The following EIF4A3 variants were observed in gnomAD, a reference collection of about 807,000 sequenced individuals.
The protein encoded by EIF4A3 is eukaryotic initiation factor 4A-III.
EIF4A3 carries 1 observed loss-of-function variant against 55.6 expected under a neutral mutation model. The observed-to-expected ratio is 0.02, with a 90% CI of 0.01 to 0.09. EIF4A3 has a LOEUF of 0.09. Among genes scored for constraint, EIF4A3 ranks in the 10% least tolerant of loss-of-function variants. The pLI, the probability that EIF4A3 is intolerant of heterozygous loss-of-function variation, is 1.00. For missense variants in EIF4A3, 221 were observed against 540.7 expected (o/e 0.41, Z 5.86); for synonymous variants, 194 against 196.3 (o/e 0.99, Z 0.10).
In EIF4A3 at chr17:80,135,036, C is replaced by CA. The variant is rs1055831563; in HGVS notation, c.*453dup. On this transcript the variant is annotated 3_prime_UTR_variant, in exon 12 of 12. Transcript: ENST00000649764. ...GCATGGTGGCGGCCGCCTGTACTCC[C>CA]AGCTACGTGGGAGGCTGAGGTAGGA... Among the ~76,000 whole-genome samples, 1 of 151,814 alleles carries CA rather than the reference C, an allele frequency of 6.6e-6. No homozygotes were observed. The highest frequency in any genetic ancestry group is 1.5e-5 in the Non-Finnish European group (1 of 67,980).
chr17:80,141,861 A>G lies in EIF4A3; in HGVS notation c.243-13T>C, dbSNP rs1567850190. 6.2e-7 allele frequency: 1 copy of G among 1,613,316 alleles called. No homozygotes were observed. Among genetic ancestry groups the G allele is most frequent in the Non-Finnish European group, 8.5e-7 (1 of 1,179,380 alleles). On this transcript the variant is annotated splice_polypyrimidine_tract_variant and intron_variant, in intron 2 of 11. Transcript: ENST00000649764. The stretch of plus-strand genomic sequence containing the variant: ...GCCGGACTGAGACCTATTCAAGGAA[A>G]CAAAAGCAGTGGGATTAGAGGGAGG...
chr17:80,135,766 G>GTGTC (rs2039565296), intron 11 of EIF4A3: 1 of 612,424 alleles, frequency 1.6e-6, no homozygotes, highest in Admixed American at 3.1e-5. Flanking sequence ...TATGGTGCAC[G>GTGTC]TGTCTGTAAT....
intron 2 of EIF4A3, among the ~76,000 whole-genome samples, chr17:80,143,893 T>A (rs2039638259): frequency 6.6e-6 from 1 of 152,100 alleles, no homozygotes. Flanking sequence ...GGCAGGAGAA[T>A]AGCTTGAAAC....
chr17:80,137,554 T>C (rs1446677335), intron 8 of EIF4A3, 53 bp from the exon 9 acceptor site: 2 of 1,444,710 alleles, frequency 1.4e-6, no homozygotes, highest in African/African-American at 2.8e-5. Flanking sequence ...AAAGCAGAGA[T>C]GTGCATTCGG....
Position 80,135,439 on chromosome 17 carries a change from C to T in EIF4A3, c.*51G>A, listed in dbSNP as rs1290193399. 2 of 1,531,296 alleles carry T rather than the reference C, an allele frequency of 1.3e-6. No homozygotes were observed. Among genetic ancestry groups the T allele is most frequent in the Admixed American group, 4.5e-5 (2 of 44,094 alleles). The allele number at this position is 1,531,296 out of a possible 1,614,324, so 94.9% of individuals were successfully genotyped here. A position where few individuals can be genotyped will look rare whatever the true frequency, so the allele number is the denominator to read the frequency against. On this transcript the variant is annotated 3_prime_UTR_variant, in exon 12 of 12. Transcript: ENST00000649764. ...GAATCTGGATCTAAATACTTCCAAA[C>T]AGGAGTACACAGCAGGTGAACAGTC...
In EIF4A3 at chr17:80,136,348, A is replaced by G. The variant is rs1358668463; in HGVS notation, c.984-13T>C. 4 of 1,602,196 alleles carry G rather than the reference A, an allele frequency of 2.5e-6. No individual in the cohort carries two copies. Among genetic ancestry groups the G allele is most frequent in the African/African-American group, 2.7e-5 (2 of 74,518 alleles). On this transcript the variant is annotated splice_polypyrimidine_tract_variant and intron_variant, in intron 9 of 11. Transcript: ENST00000649764. The stretch of plus-strand genomic sequence containing the variant: ...AATAAGCACTCGGCTGCAAAAAGAA[A>G]GAGTGTTTGAGGCGATTAAATTACT...
chr17:80,142,887 AAATT>A (rs1954591412), intron 2 of EIF4A3, among the ~76,000 whole-genome samples: 1 of 152,022 alleles, frequency 6.6e-6, no homozygotes, highest in Admixed American at 6.6e-5. Context: ...GAAAATACAA[AAATT>A]AATTGGGCAT....
Position 80,146,927 on chromosome 17 carries a change from G to A in EIF4A3, c.35C>T (p.Ser12Leu), listed in dbSNP as rs778474622. 2.4e-5 allele frequency: 38 copies of A among 1,608,970 alleles called. No individual in the cohort carries two copies. The East Asian group carries it at 4.7e-4, about 20-fold the overall frequency. The stretch of plus-strand genomic sequence containing the variant: ...CTCTTTGAGCAGCCGCTTTCGCGCC[G>A]AGCCCGAGGTCGCCATCGTGGCCGT... ...ATTATMATSG[S>L]ARKRLLKEED... The change falls in exon 1 of 12, where the codon TCG becomes TTG. Residue 12 changes from serine (S) to leucine (L), a missense_variant. Transcript: ENST00000649764.
intron 11 of EIF4A3, 182 bp from the exon 12 acceptor site, chr17:80,135,688 G>C: frequency 4.8e-6 from 3 of 631,446 alleles, no homozygotes; most frequent in Non-Finnish European, 8.3e-6. Flanking sequence ...TTGAGGCCAG[G>C]AGTTCGAGAC....
intron 8 of EIF4A3, 196 bp from the exon 9 acceptor site, chr17:80,137,697 ACTTC>A: frequency 1.8e-6 from 1 of 550,940 alleles, no homozygotes; most frequent in South Asian, 2.2e-5. Flanking sequence ...AAACCCTCTT[ACTTC>A]ATTTTCTCCA....
At position 80,141,772 on chromosome 17, in the gene EIF4A3, G is replaced by C; in HGVS notation, c.309+10C>G. 1 of 1,611,258 alleles carries C rather than the reference G, an allele frequency of 6.2e-7. No homozygotes were observed. On this transcript the variant is annotated intron_variant, in intron 3 of 11. Coordinates refer to ENST00000649764, the MANE Select transcript of EIF4A3 (RefSeq NM_014740.4). ...TTACATAACAGTTTGTTTTAAGAAT[G>C]GCAAATTACCTGAATATCCAAACAC...
At chr17:80,138,890 G>C in intron 7 of EIF4A3, 131 bp downstream of exon 7, 1 of 1,216,094 alleles carries the variant, frequency 8.2e-7, no homozygotes, top group Non-Finnish European at 1.2e-6. Context: ...GATAGCCTGA[G>C]GTCCGGGTTT....
At chr17:80,144,282 G>T in intron 1 of EIF4A3, 38 bp from the exon 2 acceptor site, 2 of 1,598,898 alleles carry the variant, frequency 1.3e-6, no homozygotes, top group South Asian at 1.1e-5. Flanking sequence ...TCACCACAAT[G>T]ACAGCATAGA....
At position 80,138,018 on chromosome 17, in the gene EIF4A3, A is replaced by C. The variant is rs1353223085; in HGVS notation, c.867+124T>G. The stretch of plus-strand genomic sequence containing the variant: ...TCTACAGCTGCTTTTACAAGAGAAC[A>C]CATACCCTGAAAGCTTAAAATATGG... On this transcript the variant is annotated intron_variant, in intron 8 of 11. Transcript: ENST00000649764. 3 of 1,280,486 alleles carry C rather than the reference A, an allele frequency of 2.3e-6. No individual in the cohort carries two copies. The African/African-American group carries it at 4.5e-5, about 19-fold the overall frequency. 79.3% of individuals were successfully genotyped at this position (1,280,486 alleles called of 1,614,324 possible). A position where few individuals can be genotyped will look rare whatever the true frequency, so the allele number is the denominator to read the frequency against.
chr17:80,137,365 G>C (rs766020388), intron 9 of EIF4A3, 21 bp downstream of exon 9: 2 of 1,606,450 alleles, frequency 1.2e-6, no homozygotes, highest in Admixed American at 1.7e-5. Context: ...GACCTGCAGA[G>C]CCACAGCATA....
chr17:80,138,411 C>G, intron 7 of EIF4A3, 131 bp from the exon 8 acceptor site: 1 of 1,081,694 alleles, frequency 9.2e-7, no homozygotes. Flanking sequence ...ACCCAGCAGC[C>G]CCAGCCCTGT....
rs778332760 is a variant in EIF4A3, at chr17:80,139,991, G to GCGAC, written c.505+13_505+16dup. 1.3e-4 allele frequency: 211 copies of GCGAC among 1,605,990 alleles called. 2 individuals are homozygous for GCGAC. In the East Asian group the frequency reaches 4.7e-3, roughly 36 times the overall value. On this transcript the variant is annotated intron_variant, in intron 5 of 11. Transcript: ENST00000649764. ...AATACTACCGGCAGCACCATTTTTA[G>GCGAC]CGACAAAAGTGCTTACCAAAAACAC...
rs1295031364 is a variant in EIF4A3, at chr17:80,147,125, C to CCG, written c.-165_-164insCG. ...CCTCGCTGTGCCGCTGCCGACCTCG[C>CCG]TGTGCCGCTGCCGAGAACAGACGCC... is the stretch of plus-strand genomic sequence containing the variant. On this transcript the variant is annotated 5_prime_UTR_variant, in exon 1 of 12. Coordinates refer to ENST00000649764, the MANE Select transcript of EIF4A3 (RefSeq NM_014740.4). 2 of 1,008,634 alleles carry CCG rather than the reference C, an allele frequency of 2.0e-6. No individual in the cohort carries two copies. Among genetic ancestry groups the CCG allele is most frequent in the African/African-American group, 3.4e-5 (2 of 58,324 alleles). 62.5% of individuals were successfully genotyped at this position (1,008,634 alleles called of 1,614,324 possible).
chr17:80,138,882 T>C (rs562071331), intron 7 of EIF4A3, 139 bp downstream of exon 7: 118 of 1,130,794 alleles, frequency 1.0e-4, no homozygotes, highest in African/African-American at 1.0e-3. Flanking sequence ...GGCAAGAGGA[T>C]AGCCTGAGGT....
Sources: allele counts gnomAD v4.1 joint callset (sites outside exome capture counted in the v4.1 genomes callset), GRCh38; gene constraint gnomAD v4.1.1; transcripts MANE v1.5; gene names NCBI Gene and HGNC (gene_info 2026-07-23, HGNC 2026-07-21).